Variants in FGF13 observed in about 807,000 individuals in gnomAD.
FGF13 encodes the protein fibroblast growth factor 13.
Under a neutral mutation model 19.5 loss-of-function variants are expected in FGF13, and 2 were observed. The ratio of observed to expected loss-of-function variants is 0.10; its 90% confidence interval spans 0.04 to 0.32. FGF13 has a LOEUF of 0.32. Among genes scored for constraint, FGF13 ranks in the 10% least tolerant of loss-of-function variants. The probability of loss-of-function intolerance (pLI) is 1.00; values close to 1 mark genes in which losing one functional copy is unlikely to be tolerated. For synonymous variants in FGF13, 72 were observed against 76.9 expected, an observed-to-expected ratio of 0.94 and a Z score of 0.33; for missense variants, 113 against 192.7, an observed-to-expected ratio of 0.59 and a Z score of 2.45.
intron 1 of FGF13, among the ~76,000 whole-genome samples, chrX:139,059,421 T>TA (rs201914119): frequency 1.2e-3 from 124 of 103,361 alleles, no homozygotes; most frequent in Admixed American, 6.9e-3. Context: ...AGAATGTTCT[T>TA]AAAAAAAAAA....
At chrX:138,894,334 C>CA (rs370620427) in intron 1 of FGF13, among the ~76,000 whole-genome samples, 7,505 of 108,705 alleles carry the variant, frequency 0.069, 697 homozygotes, top group African/African-American at 0.24. Context: ...GATAGAGACA[C>CA]AAAAAACCCT....
At chrX:139,152,670 G>C (rs1352962535) in intron 1 of FGF13, among the ~76,000 whole-genome samples, 1 of 110,806 alleles carries the variant, frequency 9.0e-6, no homozygotes, top group Non-Finnish European at 1.9e-5. Context: ...CCACTGCCCA[G>C]GGGAAAAAAA....
chrX:138,717,366 G>A (rs932497498), intron 1 of FGF13, among the ~76,000 whole-genome samples: 11 of 111,953 alleles, frequency 9.8e-5, no homozygotes, highest in Admixed American at 7.5e-4. Context: ...ATGATTGATT[G>A]CTGATTTTTC....
rs1260874800 is a variant in FGF13 at position 138,711,549 on chromosome X, C to A, written c.-546G>T. On this transcript the variant is annotated 5_prime_UTR_variant, in exon 1 of 5. Coordinates refer to ENST00000315930, the MANE Select transcript of FGF13 (RefSeq NM_004114.5). ...TGGCCCCTCCGAGTCTTCGACTAGT[C>A]CTTGCAACTTCTTGGCGTGATAATC... The A allele has an allele frequency of 4.0e-6, 3 of 754,934 alleles. No homozygotes were observed. Among genetic ancestry groups the A allele is most frequent in the East Asian group, 1.5e-4 (1 of 6,552 alleles). The allele number at this position is 754,934 out of a possible 1,213,427, so 62.2% of individuals were successfully genotyped here. A position where few individuals can be genotyped will look rare whatever the true frequency, so the allele number is the denominator to read the frequency against.
intron 3 of FGF13, among the ~76,000 whole-genome samples, chrX:138,817,876 T>G (rs1208423185): frequency 8.9e-6 from 1 of 112,327 alleles, no homozygotes; most frequent in Non-Finnish European, 1.9e-5. Context: ...ATATGGTCTC[T>G]GTTGCAACTG....
intron 1 of FGF13, among the ~76,000 whole-genome samples, chrX:139,068,893 CA>C (rs1311221543): frequency 9.0e-6 from 1 of 110,789 alleles, no homozygotes; most frequent in Non-Finnish European, 1.9e-5. Flanking sequence ...CAGAGAAATG[CA>C]AATCAAAACC....
At chrX:139,176,251 C>A (rs914090498) in intron 1 of FGF13, among the ~76,000 whole-genome samples, 5 of 111,145 alleles carry the variant, frequency 4.5e-5, no homozygotes, top group Non-Finnish European at 9.4e-5. Context: ...GGTGATATCC[C>A]GTTTATCATT....
chrX:138,736,972 A>G (rs1268114471), intron 1 of FGF13, among the ~76,000 whole-genome samples: 3 of 111,401 alleles, frequency 2.7e-5, no homozygotes, highest in Non-Finnish European at 5.7e-5. Flanking sequence ...TAAATGGGTG[A>G]GCTAAATAAG....
At chrX:138,695,657 T>G (rs2089888812) in intron 3 of FGF13, among the ~76,000 whole-genome samples, 1 of 111,608 alleles carries the variant, frequency 9.0e-6, no homozygotes, top group South Asian at 3.7e-4. Context: ...ATGGAGTCAT[T>G]TGTACTAGTG....
chrX:138,970,149 G>A (rs902562274), intron 1 of FGF13, among the ~76,000 whole-genome samples: 1 of 111,670 alleles, frequency 9.0e-6, no homozygotes, highest in Non-Finnish European at 1.9e-5. Flanking sequence ...TAGGCTTACT[G>A]ATCAGAAGGC....
intron 3 of FGF13, among the ~76,000 whole-genome samples, chrX:138,809,201 A>G (rs2090899959): frequency 8.9e-6 from 1 of 111,927 alleles, no homozygotes; most frequent in African/African-American, 3.2e-5. Flanking sequence ...CTTCAATAAA[A>G]TACTGGCAAA....
At chrX:139,070,479 C>T (rs768953959) in intron 1 of FGF13, among the ~76,000 whole-genome samples, 1 of 112,254 alleles carries the variant, frequency 8.9e-6, no homozygotes, top group Admixed American at 9.4e-5. Context: ...CAGGAAACAA[C>T]AGAGGCTGGA....
intron 1 of FGF13, among the ~76,000 whole-genome samples, chrX:138,918,176 T>A (rs73633968): frequency 2.4e-5 from 2 of 81,818 alleles, no homozygotes; most frequent in Non-Finnish European, 2.5e-5. Flanking sequence ...AAAAAAAAAA[T>A]AGGATTTCCT....
intron 1 of FGF13, among the ~76,000 whole-genome samples, chrX:138,948,843 C>T (rs1014235451): frequency 1.2e-4 from 13 of 111,775 alleles, no homozygotes; most frequent in Non-Finnish European, 2.3e-4. Context: ...GATTGCTTAC[C>T]TATCTATGCT....
At position 139,141,161 on chromosome X, in the gene FGF13, T is replaced by A. The variant is rs1296229257; in HGVS notation, c.-113+62255A>T. 4.6e-5 allele frequency among the ~76,000 whole-genome samples: 5 copies of A among 108,862 alleles called. No homozygotes were observed. In the East Asian group the frequency reaches 1.4e-3, roughly 31 times the overall value. The allele number at this position is 108,862 out of a possible 115,157, so 94.5% of individuals were successfully genotyped here. On this transcript the variant is annotated intron_variant, in intron 1 of 2. Coordinates refer to the FGF13 transcript ENST00000421460. ...TGGCACCCTTTCCCCAAGGGCACACTCTTGGACCTTTGCTGCTTTCATAGC... is the reference window on the plus strand; with the variant it reads ...TGGCACCCTTTCCCCAAGGGCACACACTTGGACCTTTGCTGCTTTCATAGC...
rs183416560 is a variant in FGF13, at chrX:138,720,236, A to G, written c.29-11308T>C. Among the ~76,000 whole-genome samples the G allele has an allele frequency of 1.4e-3, 160 of 112,642 alleles. 1 individual carries two copies. The highest frequency in any genetic ancestry group is 4.7e-3 in the African/African-American group (147 of 31,103). ...TCAACATTATAAGGAAACAATATTG[A>G]AAGAAATGACATTATTTGAAGACCT... On this transcript the variant is annotated intron_variant, in intron 1 of 4. Coordinates refer to the FGF13 transcript ENST00000305414.
At chrX:138,784,157 G>A (rs1204131734) in intron 3 of FGF13, among the ~76,000 whole-genome samples, 4 of 76,104 alleles carry the variant, frequency 5.3e-5, no homozygotes, top group Non-Finnish European at 9.7e-5. Context: ...ACACTCTGGG[G>A]ACTGTTGTGG....
At position 138,622,103 on chromosome X, in the gene FGF13, T is replaced by A; in HGVS notation, c.*10747A>T. The A allele has an allele frequency of 9.1e-6, 1 of 109,613 alleles. No homozygotes were observed. Among genetic ancestry groups the A allele is most frequent in the Non-Finnish European group, 1.9e-5 (1 of 52,669 alleles). The allele number at this position is 109,613 out of a possible 1,213,427, so 9.0% of individuals were successfully genotyped here. ...GAACACTTCTAAACTCATTTTTCTATGAAACCAGCATTATTCTCCTACCAA... is the reference window on the plus strand; with the variant it reads ...GAACACTTCTAAACTCATTTTTCTAAGAAACCAGCATTATTCTCCTACCAA... On this transcript the variant is annotated 3_prime_UTR_variant, in exon 5 of 5. Coordinates refer to ENST00000315930, the MANE Select transcript of FGF13 (RefSeq NM_004114.5).
chrX:138,781,625 TGAATCTCCAATAACAG>T (rs2090643689), intron 3 of FGF13, among the ~76,000 whole-genome samples: 1 of 111,122 alleles, frequency 9.0e-6, no homozygotes. Flanking sequence ...AGGAAGAAGT[TGAATCTCCAATAACAG>T]GATCTGAAAT....
Sources: allele counts gnomAD v4.1 joint callset (sites outside exome capture counted in the v4.1 genomes callset), GRCh38; gene constraint gnomAD v4.1.1; transcripts MANE v1.5; gene names NCBI Gene and HGNC (gene_info 2026-07-23, HGNC 2026-07-21).